WDR72: variants seen among roughly 807,000 people sequenced by gnomAD.
WDR72 encodes the protein WD repeat-containing protein 72.
A neutral mutation model predicts 124.2 loss-of-function variants in WDR72; 120 were observed. That is an observed-to-expected ratio of 0.97 (90% CI 0.83 to 1.12). WDR72 has a LOEUF of 1.12. WDR72 is among the 50% of genes most tolerant of loss of function. WDR72 has a pLI of 0.00. For missense variants in WDR72, 1,387 were observed against 1,278.8 expected (o/e 1.08, Z -1.29); for synonymous variants, 452 against 441.7 (o/e 1.02, Z -0.29).
intron 18 of WDR72, among the ~76,000 whole-genome samples, chr15:53,536,344 G>T (rs1223457640): frequency 6.6e-6 from 1 of 152,138 alleles, no homozygotes; most frequent in African/African-American, 2.4e-5. Flanking sequence ...ACTACAGCTG[G>T]TAGTTCTAAG....
At chr15:53,663,743 A>G (rs1388271049) in intron 14 of WDR72, among the ~76,000 whole-genome samples, 1 of 152,032 alleles carries the variant, frequency 6.6e-6, no homozygotes, top group Non-Finnish European at 1.5e-5. Flanking sequence ...AGCAACAAAG[A>G]CACATCAAGA....
intron 3 of WDR72, among the ~76,000 whole-genome samples, chr15:53,720,107 A>G (rs72730603): frequency 6.6e-6 from 1 of 151,832 alleles, no homozygotes; most frequent in Non-Finnish European, 1.5e-5. Flanking sequence ...CCCATTTTTT[A>G]AAAAAAATTG....
intron 1 of WDR72, among the ~76,000 whole-genome samples, chr15:53,754,271 G>A (rs1001072230): frequency 6.6e-5 from 10 of 152,026 alleles, no homozygotes; most frequent in African/African-American, 2.2e-4. Context: ...AAAGCTCATC[G>A]TAACACTAGT....
rs1483774702 is a variant in WDR72, at chr15:53,722,905, A to T, written c.157T>A (p.Ser53Thr). 1 of 1,613,856 alleles carries T rather than the reference A, an allele frequency of 6.2e-7. No homozygotes were observed. The highest frequency in any genetic ancestry group is 1.1e-5 in the South Asian group (1 of 91,086). ...TGACCAAATAGGAGTTCTTTCGCTG[A>T]AATCTGAAAATAATGAGAGTGAGCT... is the stretch of plus-strand genomic sequence containing the variant. Reference protein sequence around the residue: ...LWNLSHELKISAKELLFGHSA... With the variant: ...LWNLSHELKITAKELLFGHSA... The change falls in exon 3 of 20, where the codon TCA (serine) becomes ACA (threonine). Residue 53 changes from serine to threonine, a missense_variant. Coordinates refer to ENST00000360509, the MANE Select transcript of WDR72 (RefSeq NM_182758.4).
chr15:53,535,495 C>A (rs1306772191), intron 18 of WDR72, among the ~76,000 whole-genome samples: 1 of 152,060 alleles, frequency 6.6e-6, no homozygotes, highest in South Asian at 2.1e-4. Flanking sequence ...CAGATTATGG[C>A]CATTATTTAG....
At chr15:53,651,812 C>T (rs115352038) in intron 14 of WDR72, among the ~76,000 whole-genome samples, 150 of 152,132 alleles carry the variant, frequency 9.9e-4, no homozygotes, top group Middle Eastern at 3.4e-3. Context: ...GACACCATGC[C>T]GGCTAATTTT....
intron 18 of WDR72, among the ~76,000 whole-genome samples, chr15:53,552,078 T>G (rs144760621): frequency 6.6e-6 from 1 of 152,172 alleles, no homozygotes; most frequent in Non-Finnish European, 1.5e-5. Context: ...AAGTGTCACC[T>G]GACACTGACA....
chr15:53,549,720 G>GT (rs1595753683), intron 18 of WDR72, among the ~76,000 whole-genome samples: 1 of 152,174 alleles, frequency 6.6e-6, no homozygotes, highest in East Asian at 1.9e-4. Context: ...GTAGGCTTTG[G>GT]TTTTGGTTTT....
Position 53,665,691 on chromosome 15 carries a change from A to C in WDR72, c.1843T>G (p.Ser615Ala), listed in dbSNP as rs1335529389. 6.2e-7 allele frequency: 1 copy of C among 1,613,838 alleles called. No individual in the cohort carries two copies. The highest frequency in any genetic ancestry group is 1.7e-5 in the Admixed American group (1 of 59,946). The change falls in exon 14 of 20, where the codon TCT (serine) becomes GCT (alanine). Residue 615 changes from serine (S) to alanine (A), a missense_variant. Coordinates refer to ENST00000360509, the MANE Select transcript of WDR72 (RefSeq NM_182758.4). Reference sequence around the variant, plus strand: ...GTCTCTGAGGCAATGGGAAGTACAGACTTCACAAGCTGTGAATCATCACAA... The same window carrying C: ...GTCTCTGAGGCAATGGGAAGTACAGCCTTCACAAGCTGTGAATCATCACAA... ...NCCDDSQLVKSVLPIASETLK... is the reference protein window; with the variant it reads ...NCCDDSQLVKAVLPIASETLK...
At position 53,565,288 on chromosome 15, in the gene WDR72, G is replaced by T. The variant is rs377032649; in HGVS notation, c.3148+31791C>A. 1.1e-4 allele frequency among the ~76,000 whole-genome samples: 16 copies of T among 151,934 alleles called. No individual in the cohort carries two copies. In the East Asian group the frequency reaches 2.5e-3, roughly 24 times the overall value. On this transcript the variant is annotated intron_variant, in intron 18 of 19. Transcript: ENST00000360509. ...AAGTTGAAAGGAAACTATCACGTAG[G>T]ACTTTTTTTCTTTTCAATAAATTAC...
At chr15:53,621,659 T>G (rs1293516681) in intron 14 of WDR72, among the ~76,000 whole-genome samples, 1 of 151,850 alleles carries the variant, frequency 6.6e-6, no homozygotes, top group African/African-American at 2.4e-5. Flanking sequence ...GGGAAGGGGA[T>G]GACGAATAAA....
At chr15:53,630,064 A>T (rs1039255413) in intron 14 of WDR72, among the ~76,000 whole-genome samples, 1 of 137,680 alleles carries the variant, frequency 7.3e-6, no homozygotes, top group Non-Finnish European at 1.5e-5. Context: ...TTTTAAAAAG[A>T]TCTCAGAGAA....
At chr15:53,751,990 AG>A (rs1567064251) in intron 1 of WDR72, among the ~76,000 whole-genome samples, 1 of 152,308 alleles carries the variant, frequency 6.6e-6, no homozygotes, top group East Asian at 1.9e-4. Flanking sequence ...TATTATCAGA[AG>A]GTTTTTCAAA....
chr15:53,558,417 G>A (rs1248709907), intron 18 of WDR72, among the ~76,000 whole-genome samples: 1 of 151,950 alleles, frequency 6.6e-6, no homozygotes, highest in Non-Finnish European at 1.5e-5. Context: ...AACGAATTCT[G>A]AAAAATGTGC....
At chr15:53,605,556 A>G (rs7171176) in intron 17 of WDR72, among the ~76,000 whole-genome samples, 21,548 of 152,250 alleles carry the variant, frequency 0.14, 2,416 homozygotes, top group African/African-American at 0.31. Context: ...GAATGGCTTT[A>G]TAAGTAATTT....
chr15:53,599,983 G>A (rs913093957), intron 17 of WDR72, among the ~76,000 whole-genome samples: 1 of 152,074 alleles, frequency 6.6e-6, no homozygotes, highest in Non-Finnish European at 1.5e-5. Context: ...ATGATGAGTA[G>A]GGTACTCAGA....
At chr15:53,756,043 C>A (rs7176142) in intron 1 of WDR72, among the ~76,000 whole-genome samples, 2 of 152,136 alleles carry the variant, frequency 1.3e-5, no homozygotes, top group East Asian at 3.9e-4. Flanking sequence ...GTGTTCTAAT[C>A]TATACTAAAG....
chr15:53,694,108 C>T (rs1406366714), intron 13 of WDR72, among the ~76,000 whole-genome samples: 3 of 152,156 alleles, frequency 2.0e-5, no homozygotes, highest in Non-Finnish European at 2.9e-5. Flanking sequence ...GGATACAATA[C>T]TTTTAAATAT....
intron 18 of WDR72, among the ~76,000 whole-genome samples, chr15:53,596,487 T>C (rs1345368035): frequency 1.3e-5 from 2 of 152,180 alleles, no homozygotes; most frequent in African/African-American, 4.8e-5. Flanking sequence ...TTATTTTTTA[T>C]ATGATACTTC....
Sources: allele counts gnomAD v4.1 joint callset (sites outside exome capture counted in the v4.1 genomes callset), GRCh38; gene constraint gnomAD v4.1.1; transcripts MANE v1.5; gene names NCBI Gene and HGNC (gene_info 2026-07-23, HGNC 2026-07-21).